The following FBH1 variants were observed in gnomAD, a reference collection of about 807,000 sequenced individuals.
The protein encoded by FBH1 is DNA 3'-5' helicase 1.
Under a neutral mutation model 115.5 loss-of-function variants are expected in FBH1, and 43 were observed. That is an observed-to-expected ratio of 0.37 (90% CI 0.29 to 0.48). The LOEUF (loss-of-function observed/expected upper bound fraction) is 0.48, where lower values mean the gene tolerates loss of function less well. Among genes scored for constraint, FBH1 ranks in the 20% least tolerant of loss-of-function variants. The pLI is 0.99. For missense variants in FBH1, 1,001 were observed against 1,337.3 expected (o/e 0.75, Z 3.92); for synonymous variants, 524 against 507.8 (o/e 1.03, Z -0.43).
rs141513713 is a variant in FBH1 at position 5,914,022 on chromosome 10, A to G, written c.1305-156A>G. ...TGCCTGAGCTGTGCATCAGCATCATAATCTAGCTTTAGAACATGTTTATTC... is the reference window on the plus strand; with the variant it reads ...TGCCTGAGCTGTGCATCAGCATCATGATCTAGCTTTAGAACATGTTTATTC... On this transcript the variant is annotated intron_variant, in intron 7 of 20. Coordinates refer to ENST00000362091, the MANE Select transcript of FBH1 (RefSeq NM_178150.3). This position sits in a 1 kb window ranked among gnomAD's most constrained non-coding sequence, Gnocchi z 5.2. 4.8e-3 allele frequency among the ~76,000 whole-genome samples: 735 copies of G among 152,340 alleles called. 3 individuals are homozygous for G. The highest frequency in any genetic ancestry group is 0.02 in the Middle Eastern group (6 of 294).
intron 13 of FBH1, among the ~76,000 whole-genome samples, chr10:5,919,224 GCCTGTAAT>G (rs747584716): frequency 8.5e-5 from 13 of 152,174 alleles, no homozygotes; most frequent in Non-Finnish European, 1.5e-4. Context: ...GGTGGCTCAT[GCCTGTAAT>G]CCCAGCATTT....
chr10:5,890,492 CG>C, intron 1 of FBH1, 146 bp downstream of exon 1: 1 of 291,534 alleles, frequency 3.4e-6, no homozygotes, highest in African/African-American at 2.3e-5. Context: ...CGGGCAAGCG[CG>C]GGCGTGGGGG....
chr10:5,929,078 A>G (rs886850675), intron 19 of FBH1, among the ~76,000 whole-genome samples: 3 of 152,176 alleles, frequency 2.0e-5, no homozygotes, highest in African/African-American at 7.2e-5. Context: ...TAGAACCCTG[A>G]TGCTCATAAT....
In FBH1 at chr10:5,915,556, G is replaced by A. The variant is rs368766687; in HGVS notation, c.1550G>A (p.Gly517Glu). 1 of 1,614,162 alleles carries A rather than the reference G, an allele frequency of 6.2e-7. No individual in the cohort carries two copies. Among genetic ancestry groups the A allele is most frequent in the Non-Finnish European group, 8.5e-7 (1 of 1,180,028 alleles). The stretch of plus-strand genomic sequence containing the variant: ...AAAACCTTCCACTCCATGGCCTACG[G>A]GCACATAGGGCGGAAGTGAGTACTG... ...ICKTFHSMAY[G>E]HIGRKYQSKK... Residue 517 changes from glycine (G) to glutamate (E), a missense_variant, in exon 9 of 21, where the codon GGG (glycine) becomes GAG (glutamate). Coordinates refer to ENST00000362091, the MANE Select transcript of FBH1 (RefSeq NM_178150.3). This position sits in a 1 kb window ranked among gnomAD's most constrained non-coding sequence, Gnocchi z 5.2.
chr10:5,889,580 G>A (rs1842561227), upstream of FBH1: 1 of 244,632 alleles, frequency 4.1e-6, no homozygotes, highest in South Asian at 1.7e-4. Context: ...TCACAGCCCC[G>A]GCCTGCCCCG....
In FBH1 at chr10:5,917,235, G is replaced by GC. The variant is rs1832020810; in HGVS notation, c.1789-184dup. On this transcript the variant is annotated intron_variant, in intron 10 of 20. Coordinates refer to ENST00000362091, the MANE Select transcript of FBH1 (RefSeq NM_178150.3). This position sits in a 1 kb window ranked among gnomAD's most constrained non-coding sequence, Gnocchi z 5.6. ...CACGGCCCGGCTGCTTCCTGTCTCA[G>GC]CACTGGAGACCCTCTGGCGTGGAGA... The GC allele has an allele frequency of 3.3e-6, 2 of 602,362 alleles. No homozygotes were observed. The highest frequency in any genetic ancestry group is 6.0e-6 in the Non-Finnish European group (2 of 333,702). The allele number at this position is 602,362 out of a possible 1,614,324, so 37.3% of individuals were successfully genotyped here.
chr10:5,929,979 A>G (rs1000786278), intron 19 of FBH1: 9 of 152,176 alleles, frequency 5.9e-5, no homozygotes, highest in African/African-American at 1.9e-4. Context: ...CACATTGTCA[A>G]TTGGTAGAAC....
In FBH1 at chr10:5,910,949, C is replaced by G. The variant is rs775817067; in HGVS notation, c.1032C>G (p.Ile344Met). Residue 344 changes from isoleucine (I) to methionine (M), a missense_variant, in exon 6 of 21, where the codon ATC becomes ATG. Ile to Met is a conservative substitution (Grantham distance 10). Transcript: ENST00000362091. The surrounding 1 kb of genome is among the most constrained non-coding windows in gnomAD (Gnocchi z 4.8). Reference sequence around the variant, plus strand: ...CACCTGGCTTGCAGGGTGTCAACATCTGGGCCCTGGTGGCGGCTGTGGTGC... The same window carrying G: ...CACCTGGCTTGCAGGGTGTCAACATGTGGGCCCTGGTGGCGGCTGTGGTGC... ...DLYAAAGGVN[I>M]WALVAAVVLL... The G allele has an allele frequency of 2.5e-6, 4 of 1,610,010 alleles. No individual in the cohort carries two copies. In the African/African-American group the frequency reaches 5.3e-5, roughly 21 times the overall value.
In FBH1 at chr10:5,931,297, T is replaced by A. The variant is rs1832958469; in HGVS notation, c.2829+3756T>A. Among the ~76,000 whole-genome samples, 1 of 152,180 alleles carries A rather than the reference T, an allele frequency of 6.6e-6. No homozygotes were observed. Among genetic ancestry groups the A allele is most frequent in the South Asian group, 2.1e-4 (1 of 4,828 alleles). On this transcript the variant is annotated intron_variant, in intron 19 of 20. Transcript: ENST00000362091. The surrounding 1 kb of genome is among the most constrained non-coding windows in gnomAD (Gnocchi z 4.3). ...ACGGCACCTTTTTCTTTTTTCTTTT[T>A]AACCAGGTATGCAGCACCATCAGTA...
chr10:5,907,285 G>GT (rs1367844942), intron 3 of FBH1, among the ~76,000 whole-genome samples: 1 of 151,948 alleles, frequency 6.6e-6, no homozygotes, highest in Non-Finnish European at 1.5e-5. Context: ...TTGTTTGTTT[G>GT]TTTGAGTGTA....
rs1004801696 is a variant in FBH1 at position 5,924,230 on chromosome 10, G to A, written c.2399-81G>A. ...CTTTAAGACCATCTGCTCTTGCGCA[G>A]CTGCTTAGGAACGTGCAGCACCTGC... is the stretch of plus-strand genomic sequence containing the variant. On this transcript the variant is annotated intron_variant, in intron 16 of 20. Transcript: ENST00000362091. This position sits in a 1 kb window ranked among gnomAD's most constrained non-coding sequence, Gnocchi z 6.2. 3 of 1,430,858 alleles carry A rather than the reference G, an allele frequency of 2.1e-6. No homozygotes were observed. The highest frequency in any genetic ancestry group is 2.8e-5 in the African/African-American group (2 of 70,808). The allele number at this position is 1,430,858 out of a possible 1,614,324, so 88.6% of individuals were successfully genotyped here.
chr10:5,930,829 A>G (rs1832925061), intron 19 of FBH1, among the ~76,000 whole-genome samples: 1 of 152,196 alleles, frequency 6.6e-6, no homozygotes, highest in Non-Finnish European at 1.5e-5. Flanking sequence ...GGCTTACTGC[A>G]GCATCAACCT....
chr10:5,927,321 A>C, intron 18 of FBH1, 114 bp from the exon 19 acceptor site: 3 of 699,320 alleles, frequency 4.3e-6, no homozygotes, highest in Non-Finnish European at 6.9e-6. Context: ...ACAAATGTTG[A>C]GTGGTTTTCT....
intron 1 of FBH1, among the ~76,000 whole-genome samples, chr10:5,898,545 G>T (rs915316186): frequency 2.6e-5 from 4 of 152,108 alleles, no homozygotes; most frequent in Admixed American, 6.5e-5. Flanking sequence ...TGAGTAGCTG[G>T]GGTTACAGGT....
rs3891620 is a variant in FBH1, at chr10:5,914,871, C to T, written c.1397-532C>T. Among the ~76,000 whole-genome samples the T allele has an allele frequency of 0.052, 7,867 of 152,226 alleles. 713 individuals are homozygous for T. Among genetic ancestry groups the T allele is most frequent in the African/African-American group, 0.18 (7,515 of 41,494 alleles). On this transcript the variant is annotated intron_variant, in intron 8 of 20. Transcript: ENST00000362091. The surrounding 1 kb of genome is among the most constrained non-coding windows in gnomAD (Gnocchi z 5.2). ...ACAACAACAACAACATTTTGAATGCCTGCAGTGTGCTTGGCATTGTGCTGA... is the reference window on the plus strand; with the variant it reads ...ACAACAACAACAACATTTTGAATGCTTGCAGTGTGCTTGGCATTGTGCTGA...
At chr10:5,894,935 G>T in intron 1 of FBH1, 1 of 1,055,486 alleles carries the variant, frequency 9.5e-7, no homozygotes, top group East Asian at 2.5e-5. Context: ...CAAGTATCTC[G>T]GGTGTACAGG....
intron 1 of FBH1, among the ~76,000 whole-genome samples, chr10:5,899,104 A>G (rs773763313): frequency 1.3e-5 from 2 of 152,216 alleles, no homozygotes; most frequent in African/African-American, 4.8e-5. Context: ...AGCCAAATGT[A>G]GAAGGCCATC....
chr10:5,900,123 C>T lies in FBH1; in HGVS notation c.2-2897C>T, dbSNP rs943382838. Among the ~76,000 whole-genome samples the T allele has an allele frequency of 2.0e-5, 3 of 152,184 alleles. No individual in the cohort carries two copies. Among genetic ancestry groups the T allele is most frequent in the Non-Finnish European group, 4.4e-5 (3 of 68,030 alleles). ...TAATACAGAATTGGCTGTATTTGGG[C>T]TGCTAATACACTTCCTGCTTTGCCA... On this transcript the variant is annotated intron_variant, in intron 1 of 20. Transcript: ENST00000362091. The surrounding 1 kb of genome is among the most constrained non-coding windows in gnomAD (Gnocchi z 4.2).
At chr10:5,920,841 C>T (rs184543324) in intron 13 of FBH1, among the ~76,000 whole-genome samples, 2,384 of 152,200 alleles carry the variant, frequency 0.016, 61 homozygotes, top group African/African-American at 0.054. Context: ...CAGAAAACCG[C>T]GTGGGCTGAG....
Sources: gnomAD v4.1 joint callset for allele counts (sites outside exome capture counted in the v4.1 genomes callset) on GRCh38, gnomAD v4.1.1 for gene constraint, Gnocchi (gnomAD v3.1) non-coding constraint, MANE v1.5 for transcripts, NCBI Gene and HGNC (gene_info 2026-07-23, HGNC 2026-07-21) for gene names.